Variants in FNBP1 observed in about 807,000 individuals in gnomAD.
The protein encoded by FNBP1 is formin binding protein 1, also known as formin-binding protein 1.
A neutral mutation model predicts 90.6 loss-of-function variants in FNBP1; 26 were observed. That is an observed-to-expected ratio of 0.29 (90% CI 0.21 to 0.40). FNBP1 has a LOEUF of 0.40. Among genes scored for constraint, FNBP1 ranks in the 10% least tolerant of loss-of-function variants. The pLI, the probability that FNBP1 is intolerant of heterozygous loss-of-function variation, is 1.00. For synonymous variants in FNBP1, 260 were observed against 265.2 expected (o/e 0.98, Z 0.19); for missense variants, 635 against 768.0 (o/e 0.83, Z 2.05).
chr9:129,994,380 G>T (rs1191868399), intron 2 of FNBP1, among the ~76,000 whole-genome samples: 2 of 152,184 alleles, frequency 1.3e-5, no homozygotes, highest in Admixed American at 1.3e-4. Flanking sequence ...CACGCGGTTA[G>T]AAGTCAGGAG....
At chr9:129,935,406 G>T (rs1564372201) in intron 6 of FNBP1, among the ~76,000 whole-genome samples, 1 of 152,004 alleles carries the variant, frequency 6.6e-6, no homozygotes, top group Non-Finnish European at 1.5e-5. Context: ...TAAGAAACTT[G>T]CTCATTTCAC....
intron 6 of FNBP1, chr9:129,933,393 T>C (rs201341698): frequency 3.3e-5 from 5 of 152,212 alleles, no homozygotes; most frequent in Admixed American, 2.6e-4. Flanking sequence ...GAAGTGGCTG[T>C]GATCCTCTTC....
intron 2 of FNBP1, among the ~76,000 whole-genome samples, chr9:129,987,793 G>C (rs1448428091): frequency 6.6e-6 from 1 of 152,040 alleles, no homozygotes; most frequent in Non-Finnish European, 1.5e-5. Context: ...GAGCCACCGT[G>C]CCTGGCCTAA....
At chr9:130,026,673 T>A (rs984435248) in intron 1 of FNBP1, among the ~76,000 whole-genome samples, 2 of 151,824 alleles carry the variant, frequency 1.3e-5, no homozygotes, top group Admixed American at 6.6e-5. Context: ...AAGTTGTGGG[T>A]CAGGTGCAGT....
intron 1 of FNBP1, among the ~76,000 whole-genome samples, chr9:130,018,663 G>A (rs565936336): frequency 1.3e-5 from 2 of 152,036 alleles, no homozygotes; most frequent in African/African-American, 4.8e-5. Flanking sequence ...GGCTGGTCTC[G>A]AACTCCTGAC....
At chr9:130,049,371 CCT>C in the FNBP1 span, among the ~76,000 whole-genome samples, 1 of 151,606 alleles carries the variant, frequency 6.6e-6, no homozygotes, top group Admixed American at 6.6e-5. Flanking sequence ...AGAGCGAGAC[CCT>C]GTCTCAAAAA....
chr9:130,016,812 C>A (rs746556477), intron 1 of FNBP1, among the ~76,000 whole-genome samples: 29 of 152,200 alleles, frequency 1.9e-4, no homozygotes, highest in Non-Finnish European at 3.8e-4. Context: ...CTACTGAATT[C>A]TTTCTAGCCT....
intron 4 of FNBP1, among the ~76,000 whole-genome samples, chr9:129,963,332 TA>T (rs200046381): frequency 1.1e-4 from 17 of 148,856 alleles, no homozygotes; most frequent in African/African-American, 4.2e-4. Context: ...ACAAGAGTCT[TA>T]AAAAAAAAAG....
rs1039505269 is a variant in FNBP1 at position 129,887,863 on chromosome 9, G to A, written c.*2676C>T. The A allele has an allele frequency of 2.8e-4, 65 of 231,116 alleles. No individual in the cohort carries two copies. Among genetic ancestry groups the A allele is most frequent in the African/African-American group, 1.3e-3 (59 of 45,320 alleles). 14.3% of individuals were successfully genotyped at this position (231,116 alleles called of 1,614,324 possible). On this transcript the variant is annotated 3_prime_UTR_variant, in exon 17 of 17. Coordinates refer to ENST00000446176, the MANE Select transcript of FNBP1 (RefSeq NM_015033.3). ...TACGGGGGAGGAAGGAGACGTTCAC[G>A]GGAAATTCCACATTCTACTCTATGT...
intron 1 of FNBP1, among the ~76,000 whole-genome samples, chr9:130,037,598 G>A (rs375137315): frequency 1.3e-5 from 2 of 152,094 alleles, no homozygotes; most frequent in East Asian, 3.9e-4. Flanking sequence ...TAAGTAGAAT[G>A]AACAACAGAG....
chr9:130,043,834 C>T (rs1454797098), upstream of FNBP1, among the ~76,000 whole-genome samples: 1 of 152,232 alleles, frequency 6.6e-6, no homozygotes, highest in African/African-American at 2.4e-5. Flanking sequence ...AATCACGTTA[C>T]CGCCTAGTGG....
intron 15 of FNBP1, among the ~76,000 whole-genome samples, chr9:129,896,640 C>T (rs774566307): frequency 1.4e-4 from 21 of 151,734 alleles, no homozygotes; most frequent in Non-Finnish European, 2.9e-4. Flanking sequence ...CCTCAGCCTC[C>T]CAATTTTTTT....
chr9:129,939,539 T>C (rs2044017356), intron 6 of FNBP1, among the ~76,000 whole-genome samples: 1 of 152,194 alleles, frequency 6.6e-6, no homozygotes, highest in Non-Finnish European at 1.5e-5. Flanking sequence ...GAGAAACTTC[T>C]TGTGACCACA....
Position 129,972,168 on chromosome 9 carries a change from C to T in FNBP1, c.345+6297G>A, listed in dbSNP as rs540541321. On this transcript the variant is annotated intron_variant, in intron 4 of 16. Coordinates refer to ENST00000446176, the MANE Select transcript of FNBP1 (RefSeq NM_015033.3). Reference sequence around the variant, plus strand: ...TTATTTTTCGAGATGGAGTCTTGCTCGGTCGCCCAGGCTAGAGTGCAGTGG... The same window carrying T: ...TTATTTTTCGAGATGGAGTCTTGCTTGGTCGCCCAGGCTAGAGTGCAGTGG... 3.9e-5 allele frequency among the ~76,000 whole-genome samples: 6 copies of T among 152,288 alleles called. No individual in the cohort carries two copies. The East Asian group carries it at 5.8e-4, about 15-fold the overall frequency.
chr9:129,965,944 G>A (rs1040402498), intron 4 of FNBP1, among the ~76,000 whole-genome samples: 1 of 152,100 alleles, frequency 6.6e-6, no homozygotes, highest in Admixed American at 6.5e-5. Context: ...GTTACTTGCA[G>A]CATCTGATAC....
chr9:129,939,348 C>T (rs1025917836), intron 6 of FNBP1, among the ~76,000 whole-genome samples: 1 of 151,592 alleles, frequency 6.6e-6, no homozygotes, highest in Admixed American at 6.6e-5. Context: ...GAGACTGCAC[C>T]ACTGAACTCC....
rs2035010238 is a variant in FNBP1 at position 129,890,632 on chromosome 9, A to G, written c.1847-86T>C. ...AGGCGGGCATTTTGCTCTTGGCTACAAACTGCACCGCCCTGGGAGGGGAGG... is the reference window on the plus strand; with the variant it reads ...AGGCGGGCATTTTGCTCTTGGCTACGAACTGCACCGCCCTGGGAGGGGAGG... On this transcript the variant is annotated intron_variant, in intron 16 of 16. Coordinates refer to ENST00000446176, the MANE Select transcript of FNBP1 (RefSeq NM_015033.3). This position sits in a 1 kb window ranked among gnomAD's most constrained non-coding sequence, Gnocchi z 5.8. 1.9e-6 allele frequency: 2 copies of G among 1,051,288 alleles called. No individual in the cohort carries two copies. Among genetic ancestry groups the G allele is most frequent in the Admixed American group, 2.0e-5 (1 of 50,162 alleles). 65.1% of individuals were successfully genotyped at this position (1,051,288 alleles called of 1,614,324 possible).
intron 1 of FNBP1, among the ~76,000 whole-genome samples, chr9:130,027,576 A>G (rs2058457382): frequency 6.6e-6 from 1 of 152,156 alleles, no homozygotes; most frequent in African/African-American, 2.4e-5. Flanking sequence ...CCAAAACTTG[A>G]TGGGAAACAA....
Position 129,927,280 on chromosome 9 carries a change from G to A in FNBP1, c.704C>T (p.Ala235Val). ...TGGGATCACCTGCCGATCAACCTCT[G>A]CATATGTCTTCATGGACTCTCCCAT... ...VRMGESMKTY[A>V]EVDRQVIPII... Residue 235 changes from alanine (A) to valine (V), a missense_variant, in exon 8 of 17, where the codon GCA becomes GTA. Coordinates refer to ENST00000446176, the MANE Select transcript of FNBP1 (RefSeq NM_015033.3). 1 of 1,613,322 alleles carries A rather than the reference G, an allele frequency of 6.2e-7. No individual in the cohort carries two copies.
Sources: allele counts gnomAD v4.1 joint callset (sites outside exome capture counted in the v4.1 genomes callset), GRCh38; gene constraint gnomAD v4.1.1; non-coding constraint Gnocchi (gnomAD v3.1); transcripts MANE v1.5; gene names NCBI Gene and HGNC (gene_info 2026-07-23, HGNC 2026-07-21).